Variants in MACROD2 observed in about 807,000 individuals in gnomAD.
MACROD2 encodes the protein mono-ADP ribosylhydrolase 2, also known as ADP-ribose glycohydrolase MACROD2.
Under a neutral mutation model 70.4 loss-of-function variants are expected in MACROD2, and 36 were observed. The observed-to-expected ratio is 0.51, with a 90% CI of 0.39 to 0.68. The LOEUF is 0.68. MACROD2 is among the 30% of genes least tolerant of loss of function. The probability of loss-of-function intolerance (pLI) is 0.00; values close to 1 mark genes in which losing one functional copy is unlikely to be tolerated. For synonymous variants in MACROD2, 172 were observed against 178.8 expected (o/e 0.96, Z 0.30); for missense variants, 496 against 538.4 (o/e 0.92, Z 0.78).
At chr20:15,711,293 C>A (rs1298322727) in intron 8 of MACROD2, among the ~76,000 whole-genome samples, 1 of 152,072 alleles carries the variant, frequency 6.6e-6, no homozygotes, top group Non-Finnish European at 1.5e-5. Flanking sequence ...GAGGGAATGC[C>A]CAGTAATTTC....
chr20:14,735,815 C>T (rs1280116911), intron 5 of MACROD2, among the ~76,000 whole-genome samples: 1 of 152,040 alleles, frequency 6.6e-6, no homozygotes, highest in Non-Finnish European at 1.5e-5. Flanking sequence ...TGCCACTGCA[C>T]TCCAGCTTGG....
At chr20:14,055,292 T>A (rs1165286502) in intron 2 of MACROD2, among the ~76,000 whole-genome samples, 1 of 152,130 alleles carries the variant, frequency 6.6e-6, no homozygotes, top group Non-Finnish European at 1.5e-5. Context: ...GTTCTTTTTT[T>A]TGTGACTTGT....
At chr20:15,387,089 T>A (rs1380893018) in intron 6 of MACROD2, among the ~76,000 whole-genome samples, 1 of 152,076 alleles carries the variant, frequency 6.6e-6, no homozygotes, top group African/African-American at 2.4e-5. Flanking sequence ...TAATCAAAAT[T>A]CACAGTAAGT....
chr20:14,164,662 G>A (rs1165504863), intron 3 of MACROD2, among the ~76,000 whole-genome samples: 1 of 152,104 alleles, frequency 6.6e-6, no homozygotes, highest in East Asian at 1.9e-4. Context: ...GTAGCAGCAG[G>A]TTGGGTGGGC....
chr20:15,513,194 T>G (rs2047522081), intron 8 of MACROD2, among the ~76,000 whole-genome samples: 1 of 152,226 alleles, frequency 6.6e-6, no homozygotes, highest in Admixed American at 6.5e-5. Context: ...TCAAGCCTTT[T>G]TGTCTAGAGG....
intron 4 of MACROD2, among the ~76,000 whole-genome samples, chr20:14,668,434 T>G (rs2070759697): frequency 6.6e-6 from 1 of 152,164 alleles, no homozygotes; most frequent in African/African-American, 2.4e-5. Flanking sequence ...GAGAAGGGCA[T>G]CTTTGAAGGT....
chr20:14,060,617 T>C (rs761236466), intron 2 of MACROD2, among the ~76,000 whole-genome samples: 2 of 152,068 alleles, frequency 1.3e-5, no homozygotes, highest in Non-Finnish European at 2.9e-5. Flanking sequence ...TGGGGGAGAT[T>C]CGTAATCTTC....
chr20:15,808,394 C>T (rs1462376589), intron 8 of MACROD2, among the ~76,000 whole-genome samples: 1 of 152,090 alleles, frequency 6.6e-6, no homozygotes, highest in African/African-American at 2.4e-5. Flanking sequence ...TGCCCATAAA[C>T]CCATATAATT....
At chr20:15,744,149 G>T (rs111371116) in intron 8 of MACROD2, among the ~76,000 whole-genome samples, 2 of 152,044 alleles carry the variant, frequency 1.3e-5, no homozygotes, top group African/African-American at 4.8e-5. Flanking sequence ...TTCAAAAAAG[G>T]CTAGATGAAA....
chr20:15,463,959 TATG>T (rs2046852156), intron 7 of MACROD2, among the ~76,000 whole-genome samples: 1 of 152,178 alleles, frequency 6.6e-6, no homozygotes, highest in South Asian at 2.1e-4. Context: ...TAGTCCCTTC[TATG>T]ATTTTAGCCA....
chr20:14,101,788 A>C (rs1201474372), intron 3 of MACROD2, among the ~76,000 whole-genome samples: 2 of 151,956 alleles, frequency 1.3e-5, no homozygotes, highest in East Asian at 1.9e-4. Context: ...AAAAGAAAAA[A>C]AAAACGTGAG....
At chr20:14,503,891 A>C (rs1254090319) in intron 4 of MACROD2, among the ~76,000 whole-genome samples, 1 of 152,228 alleles carries the variant, frequency 6.6e-6, no homozygotes, top group Non-Finnish European at 1.5e-5. Context: ...ATAATTTTCT[A>C]GTCAGATTTT....
rs981148906 is a variant in MACROD2, at chr20:14,833,191, T to C, written c.418+148232T>C. Among the ~76,000 whole-genome samples, 4 of 152,300 alleles carry C rather than the reference T, an allele frequency of 2.6e-5. No homozygotes were observed. The East Asian group carries it at 7.7e-4, about 29-fold the overall frequency. On this transcript the variant is annotated intron_variant, in intron 5 of 17. Transcript: ENST00000684519. ...TGCACAGGTCCAAAGGATTGGATGT[T>C]CAGGCGTTTATCACTAACTCTCATT...
intron 5 of MACROD2, among the ~76,000 whole-genome samples, chr20:14,726,308 T>C (rs918620682): frequency 1.3e-5 from 2 of 152,186 alleles, no homozygotes; most frequent in African/African-American, 4.8e-5. Flanking sequence ...ATTCATACCA[T>C]ACAGTACCTT....
chr20:14,767,166 C>T (rs775531514), intron 5 of MACROD2, among the ~76,000 whole-genome samples: 4 of 152,020 alleles, frequency 2.6e-5, no homozygotes, highest in Non-Finnish European at 5.9e-5. Flanking sequence ...CCATCTGTAC[C>T]ATCAATAATC....
chr20:15,293,249 G>A (rs1285798102), intron 6 of MACROD2, among the ~76,000 whole-genome samples: 7 of 152,186 alleles, frequency 4.6e-5, no homozygotes, highest in African/African-American at 1.7e-4. Context: ...CATATGCAAT[G>A]ATTTAGGTAT....
At chr20:14,204,570 T>C (rs1443836361) in intron 3 of MACROD2, among the ~76,000 whole-genome samples, 1 of 152,174 alleles carries the variant, frequency 6.6e-6, no homozygotes, top group Admixed American at 6.5e-5. Context: ...TCAGGGCCCA[T>C]GAGGGCCAAT....
chr20:14,452,055 G>A (rs2084251287), intron 3 of MACROD2, among the ~76,000 whole-genome samples: 1 of 152,016 alleles, frequency 6.6e-6, no homozygotes, highest in Non-Finnish European at 1.5e-5. Context: ...ATTGGGAGAG[G>A]ATTTTGAACC....
chr20:14,100,809 A>ATATAT (rs1555919478), intron 3 of MACROD2, among the ~76,000 whole-genome samples: 1,912 of 139,798 alleles, frequency 0.014, 44 homozygotes, highest in African/African-American at 0.047. Context: ...TATGATATAT[A>ATATAT]ATCATATATC....
Sources: allele counts gnomAD v4.1 joint callset (sites outside exome capture counted in the v4.1 genomes callset), GRCh38; gene constraint gnomAD v4.1.1; transcripts MANE v1.5; gene names NCBI Gene and HGNC (gene_info 2026-07-23, HGNC 2026-07-21).